Variants in AGAP2 observed in about 807,000 individuals in gnomAD.
AGAP2 encodes arf-GAP with GTPase, ANK repeat and PH domain-containing protein 2.
In AGAP2, 32 loss-of-function variants were observed where a neutral mutation model predicts 110.9. The ratio of observed to expected loss-of-function variants is 0.29; its 90% CI spans 0.22 to 0.39. The LOEUF is 0.39. AGAP2 is among the 10% of genes least tolerant of loss of function. The pLI is 1.00. For synonymous variants in AGAP2, 702 were observed against 713.0 expected (o/e 0.98, Z 0.25); for missense variants, 1,285 against 1,638.5 (o/e 0.78, Z 3.72).
chr12:57,738,774 G>T (rs1475259325), upstream of AGAP2, among the ~76,000 whole-genome samples: 4 of 151,580 alleles, frequency 2.6e-5, no homozygotes, highest in Non-Finnish European at 4.4e-5. This position sits in a 1 kb window ranked among gnomAD's most constrained non-coding sequence, Gnocchi z 6.7. Flanking sequence ...TCGCAGGGGC[G>T]CGGGGAGGAT....
At chr12:57,730,304 C>A in intron 12 of AGAP2, 191 bp downstream of exon 12, 1 of 820,054 alleles carries the variant, frequency 1.2e-6, no homozygotes, top group Non-Finnish European at 1.9e-6. Flanking sequence ...CAAGCTCAGG[C>A]AGTTGACGTT....
chr12:57,730,752 T>C (rs1307399617), intron 11 of AGAP2, 39 bp downstream of exon 11: 5 of 1,612,386 alleles, frequency 3.1e-6, no homozygotes, highest in Non-Finnish European at 4.2e-6. Flanking sequence ...TCCCCAGCCC[T>C]GGCCCCTCTT....
Position 57,727,245 on chromosome 12 carries a change from T to G in AGAP2, c.3081-16A>C, listed in dbSNP as rs747662301. ...GCGCTCCTCCCTGCAAGACCAGGGATCAACGGAAAAGGCTCTAGGGACCCC... is the reference window on the plus strand; with the variant it reads ...GCGCTCCTCCCTGCAAGACCAGGGAGCAACGGAAAAGGCTCTAGGGACCCC... On this transcript the variant is annotated splice_polypyrimidine_tract_variant and intron_variant, in intron 17 of 18. Coordinates refer to ENST00000547588, the MANE Select transcript of AGAP2 (RefSeq NM_001122772.3). 1 of 1,612,434 alleles carries G rather than the reference T, an allele frequency of 6.2e-7. No individual in the cohort carries two copies. Among genetic ancestry groups the G allele is most frequent in the South Asian group, 1.1e-5 (1 of 90,988 alleles).
intron 9 of AGAP2, 23 bp from the exon 10 acceptor site, chr12:57,731,493 T>A (rs761163854): frequency 1.9e-6 from 3 of 1,613,826 alleles, no homozygotes; most frequent in Middle Eastern, 1.6e-4. Flanking sequence ...GAAAGACACA[T>A]GTGGGAAAAA....
At chr12:57,733,899 C>A in intron 5 of AGAP2, 127 bp downstream of exon 5, 1 of 1,132,092 alleles carries the variant, frequency 8.8e-7, no homozygotes, top group Non-Finnish European at 1.2e-6. Flanking sequence ...CAGGCTCCCT[C>A]CAGAAGGGTA....
Position 57,726,573 on chromosome 12 carries a change from G to A in AGAP2, c.3558C>T (p.Asp1186=), listed in dbSNP as rs780250365. The change falls in exon 19 of 19, where the codon GAC becomes GAT. Residue 1186 remains aspartate (D), a synonymous_variant. Transcript: ENST00000547588. The surrounding 1 kb of genome is among the most constrained non-coding windows in gnomAD (Gnocchi z 5.7). ...GCAACTATACCAGCGCAACCGGGGCGTCGGCGCGGCCCACGCTAGCGGCGC... is the reference window on the plus strand; with the variant it reads ...GCAACTATACCAGCGCAACCGGGGCATCGGCGCGGCCCACGCTAGCGGCGC... The part of the protein sequence containing the change: ...RSSAASVGRA[D]APVALV 1 of 1,208,282 alleles carries A rather than the reference G, an allele frequency of 8.3e-7. No individual in the cohort carries two copies. The highest frequency in any genetic ancestry group is 3.5e-5 in the East Asian group (1 of 28,840). 74.8% of individuals were successfully genotyped at this position (1,208,282 alleles called of 1,614,324 possible). A position where few individuals can be genotyped will look rare whatever the true frequency, so the allele number is the denominator to read the frequency against.
At position 57,737,785 on chromosome 12, in the gene AGAP2, C is replaced by G. The variant is rs1004310643; in HGVS notation, c.462G>C (p.Glu154Asp). 26 of 1,530,004 alleles carry G rather than the reference C, an allele frequency of 1.7e-5. No homozygotes were observed. In the African/African-American group the frequency reaches 3.3e-4, roughly 19 times the overall value. 94.8% of individuals were successfully genotyped at this position (1,530,004 alleles called of 1,614,324 possible). A position where few individuals can be genotyped will look rare whatever the true frequency, so the allele number is the denominator to read the frequency against. ...TGCCGCCGCCCGCCCGGCCTTCGGG[C>G]TCCGGGCCGCCCCAGCTCGGGCTGC... ...LLSSPSWGGP[E>D]PEGRAGGGIP... The change falls in exon 1 of 19, where the codon GAG (glutamate) becomes GAC (aspartate). Residue 154 changes from glutamate (E) to aspartate (D), a missense_variant. By Grantham distance (45) the Glu-to-Asp change is conservative (BLOSUM62 2). Coordinates refer to ENST00000547588, the MANE Select transcript of AGAP2 (RefSeq NM_001122772.3). The surrounding 1 kb of genome is among the most constrained non-coding windows in gnomAD (Gnocchi z 5.9).
At chr12:57,733,099 GATC>G (rs1208270920) in intron 5 of AGAP2, 120 bp from the exon 6 acceptor site, 1 of 1,318,290 alleles carries the variant, frequency 7.6e-7, no homozygotes, top group Non-Finnish European at 1.1e-6. Flanking sequence ...GGGTGTGAGA[GATC>G]ATCTTTTCTG....
rs1954814277 is a variant in AGAP2, at chr12:57,728,310, C to T, written c.2617+8G>A. 3 of 1,613,778 alleles carry T rather than the reference C, an allele frequency of 1.9e-6. No homozygotes were observed. The highest frequency in any genetic ancestry group is 2.5e-6 in the Non-Finnish European group (3 of 1,179,794). ...GCTGAGCGCCCCTCCCGGCTCCCCA[C>T]TTGTTACCTGCTTTATAAATATTTC... On this transcript the variant is annotated splice_region_variant and intron_variant, in intron 14 of 18. Transcript: ENST00000547588.
intron 5 of AGAP2, 152 bp from the exon 6 acceptor site, chr12:57,733,131 G>A: frequency 9.8e-7 from 1 of 1,017,336 alleles, no homozygotes; most frequent in Admixed American, 2.2e-5. Flanking sequence ...TGGAATGGGA[G>A]TACATAAGCC....
At chr12:57,732,628 G>A (rs1954908138) in intron 6 of AGAP2, 116 bp from the exon 7 acceptor site, 7 of 1,287,730 alleles carry the variant, frequency 5.4e-6, no homozygotes, top group Non-Finnish European at 7.6e-6. Flanking sequence ...CCTTGTCACT[G>A]TGGCCTCCAT....
rs140613161 is a variant in AGAP2, at chr12:57,730,884, G to A, written c.2215C>T (p.Arg739Trp). The change falls in exon 11 of 19, where the codon CGG becomes TGG. Residue 739 changes from arginine (R) to tryptophan (W), a missense_variant. By Grantham distance (101) the Arg-to-Trp change is moderately radical. Around this residue, in one of 7 missense-constraint regions of AGAP2, gnomAD observed 135 missense variants for 182.0 expected, o/e 0.74. Transcript: ENST00000547588. ...LRTTVKVPGK[R>W]PPRAISAFGP... ...AAGGCAGAGATGGCCCTCGGGGGCC[G>A]CTTGCCCGGGACTTTGACTGTTGTT... 3.1e-6 allele frequency: 5 copies of A among 1,607,134 alleles called. No individual in the cohort carries two copies. Among genetic ancestry groups the A allele is most frequent in the Non-Finnish European group, 3.4e-6 (4 of 1,176,902 alleles).
At position 57,727,095 on chromosome 12, in the gene AGAP2, A is replaced by T. The variant is rs1213082935; in HGVS notation, c.3215T>A (p.Leu1072Gln). 1.3e-6 allele frequency: 2 copies of T among 1,594,630 alleles called. No individual in the cohort carries two copies. Among genetic ancestry groups the T allele is most frequent in the Non-Finnish European group, 1.7e-6 (2 of 1,171,716 alleles). The change falls in exon 18 of 19, where the codon CTG becomes CAG. Residue 1072 changes from leucine to glutamine, a missense_variant. Transcript: ENST00000547588. ...CCCGTGTCGCGCATGGGCCAAAAGC[A>T]GGAGAACGGTAGCCACGTCCTGGGC... ...VQAQDVATVL[L>Q]LLAHARHGPL...
At chr12:57,730,339 T>C (rs1348979110) in intron 12 of AGAP2, 156 bp downstream of exon 12, 2 of 1,083,810 alleles carry the variant, frequency 1.8e-6, no homozygotes, top group Non-Finnish European at 2.6e-6. Context: ...TTAACCATTA[T>C]GATAGACATG....
At chr12:57,731,293 G>T (rs574163386) in intron 10 of AGAP2, 73 bp downstream of exon 10, 18 of 1,282,488 alleles carry the variant, frequency 1.4e-5, no homozygotes, top group Middle Eastern at 1.9e-4. Context: ...TTAGTGCTTT[G>T]TCAGAGGCAT....
chr12:57,737,525 G>A lies in AGAP2; in HGVS notation c.722C>T (p.Ala241Val), dbSNP rs1251505677. 1.3e-6 allele frequency: 2 copies of A among 1,562,494 alleles called. No homozygotes were observed. The highest frequency in any genetic ancestry group is 1.9e-5 in the Admixed American group (1 of 51,784). Residue 241 changes from alanine to valine, a missense_variant, in exon 1 of 19, where the codon GCC becomes GTC. By Grantham distance (64) the Ala-to-Val change is moderately conservative. Coordinates refer to ENST00000547588, the MANE Select transcript of AGAP2 (RefSeq NM_001122772.3). The surrounding 1 kb of genome is among the most constrained non-coding windows in gnomAD (Gnocchi z 5.9). The stretch of plus-strand genomic sequence containing the variant: ...TGTAGAGCCCCCTCCCCCGGCGGCG[G>A]CGGCGGTGGCGGCGGCAGAGACCGA... ...GASVSAAATA[A>V]AAGGGGSTAS...
Position 57,732,920 on chromosome 12 carries a change from C to T in AGAP2, c.1609G>A (p.Ala537Thr), listed in dbSNP as rs141167177. The change falls in exon 6 of 19, where the codon GCG becomes ACG. Residue 537 changes from alanine to threonine, a missense_variant. Ala to Thr is a moderately conservative substitution (Grantham distance 58). This residue lies in a region of AGAP2 where 844 missense variants were observed against 941.2 expected (regional missense o/e 0.90). Transcript: ENST00000547588. Reference sequence around the variant, plus strand: ...TAGTAGCTGCAGCGTTTCATGTCCGCGCACAGAGCTCTGGCACGAGCATCT... The same window carrying T: ...TAGTAGCTGCAGCGTTTCATGTCCGTGCACAGAGCTCTGGCACGAGCATCT... ...VGDARARALC[A>T]DMKRCSYYET... The T allele has an allele frequency of 3.1e-5, 50 of 1,613,968 alleles. 1 individual carries two copies. In the Middle Eastern group the frequency reaches 4.9e-4, roughly 16 times the overall value.
intron 7 of AGAP2, 80 bp downstream of exon 7, chr12:57,732,323 G>T: frequency 1.5e-6 from 2 of 1,321,216 alleles, no homozygotes; most frequent in Non-Finnish European, 2.1e-6. Flanking sequence ...AACCTCCTTG[G>T]GTACTCTGTA....
rs1955036087 is a variant in AGAP2, at chr12:57,738,622, G to A, written c.-376C>T. Among the ~76,000 whole-genome samples the A allele has an allele frequency of 6.6e-6, 1 of 151,940 alleles. No homozygotes were observed. The highest frequency in any genetic ancestry group is 1.5e-5 in the Non-Finnish European group (1 of 67,946). Reference sequence around the variant, plus strand: ...AGAGAGGAAAAGGGAGCAGAAAAGGGGACCGGAGGCTAGGGGAAACGAACC... The same window carrying A: ...AGAGAGGAAAAGGGAGCAGAAAAGGAGACCGGAGGCTAGGGGAAACGAACC... On this transcript the variant is annotated 5_prime_UTR_variant, in exon 1 of 19. Transcript: ENST00000547588. This position sits in a 1 kb window ranked among gnomAD's most constrained non-coding sequence, Gnocchi z 6.7.
Sources: gnomAD v4.1 joint callset for allele counts (sites outside exome capture counted in the v4.1 genomes callset) on GRCh38, gnomAD v4.1.1 for gene constraint, gnomAD v4.1.1 regional missense constraint, Gnocchi (gnomAD v3.1) non-coding constraint, MANE v1.5 for transcripts, NCBI Gene and HGNC (gene_info 2026-07-23, HGNC 2026-07-21) for gene names.